Variants in KCNG1 observed in about 807,000 individuals in gnomAD.
KCNG1 encodes the protein voltage-gated potassium channel regulatory subunit KCNG1.
KCNG1 carries 17 observed loss-of-function variants against 32.4 expected under a neutral mutation model. The observed-to-expected ratio is 0.52, with a 90% confidence interval of 0.36 to 0.79. The LOEUF is 0.79. Among genes scored for constraint, KCNG1 ranks in the 30% least tolerant of loss-of-function variants. The probability of loss-of-function intolerance (pLI) is 0.00; values close to 1 mark genes in which losing one functional copy is unlikely to be tolerated. For synonymous variants in KCNG1, 358 were observed against 339.9 expected, an observed-to-expected ratio of 1.05 and a Z score of -0.59; for missense variants, 441 against 735.2, an observed-to-expected ratio of 0.60 and a Z score of 4.63.
intron 1 of KCNG1, chr20:51,013,881 G>A (rs1452002347): frequency 6.6e-6 from 1 of 152,184 alleles, no homozygotes; most frequent in Non-Finnish European, 1.5e-5. Context: ...GTGACATTCT[G>A]TTTGGCAAGA....
chr20:51,018,318 C>T (rs947505334), intron 1 of KCNG1, among the ~76,000 whole-genome samples: 3 of 152,192 alleles, frequency 2.0e-5, no homozygotes, highest in South Asian at 2.1e-4. Flanking sequence ...GATTGCTGAC[C>T]TCACGGGGCT....
chr20:51,018,717 C>T (rs1988366502), intron 1 of KCNG1, among the ~76,000 whole-genome samples: 1 of 152,188 alleles, frequency 6.6e-6, no homozygotes, highest in South Asian at 2.1e-4. Flanking sequence ...ACTAATACCC[C>T]CATTTTACAA....
Position 51,004,589 on chromosome 20 carries a change from C to A in KCNG1, c.992G>T (p.Gly331Val), listed in dbSNP as rs1269023530. 1 of 1,577,820 alleles carries A rather than the reference C, an allele frequency of 6.3e-7. No homozygotes were observed. Among genetic ancestry groups the A allele is most frequent in the Admixed American group, 1.8e-5 (1 of 54,510 alleles). Residue 331 changes from glycine (G) to valine (V), a missense_variant, in exon 3 of 3, where the codon GGC becomes GTC. Coordinates refer to ENST00000371571, the MANE Select transcript of KCNG1 (RefSeq NM_002237.4). The surrounding 1 kb of genome is among the most constrained non-coding windows in gnomAD (Gnocchi z 4.3). ...CCCCACCTTGTCCAGGTAGCTGTTG[C>A]CCGCGCCGGGCTTGCGACGGCCTGC... ...AAAGRRKPGAGNSYLDKVGLV... is the reference protein window; with the variant it reads ...AAAGRRKPGAVNSYLDKVGLV...
At position 51,016,248 on chromosome 20, in the gene KCNG1, C is replaced by T. The variant is rs149557409; in HGVS notation, c.-26-5884G>A. Reference sequence around the variant, plus strand: ...GGCCAGGAGTTTGAGTCCAGCCTGGCCAACATGGTGCAACCCCATCTCTAC... The same window carrying T: ...GGCCAGGAGTTTGAGTCCAGCCTGGTCAACATGGTGCAACCCCATCTCTAC... On this transcript the variant is annotated intron_variant, in intron 1 of 2. Transcript: ENST00000371571. Among the ~76,000 whole-genome samples, 1,159 of 152,104 alleles carry T rather than the reference C, an allele frequency of 7.6e-3. 18 individuals carry two copies. Among genetic ancestry groups the T allele is most frequent in the African/African-American group, 0.026 (1,072 of 41,492 alleles).
rs1224964291 is a variant in KCNG1, at chr20:51,005,454, G to C, written c.775-648C>G. 1 of 152,250 alleles carries C rather than the reference G, an allele frequency of 6.6e-6. No homozygotes were observed. Among genetic ancestry groups the C allele is most frequent in the African/African-American group, 2.4e-5 (1 of 41,440 alleles). The allele number at this position is 152,250 out of a possible 1,614,324, so 9.4% of individuals were successfully genotyped here. A position where few individuals can be genotyped will look rare whatever the true frequency, so the allele number is the denominator to read the frequency against. ...CCGATGGACTGTGAGGAATAGTCTT[G>C]TTCAGTGCCCCCATCACTGCCCCGG... On this transcript the variant is annotated intron_variant, in intron 2 of 2. Transcript: ENST00000371571. The surrounding 1 kb of genome is among the most constrained non-coding windows in gnomAD (Gnocchi z 4.0).
chr20:51,009,636 G>A lies in KCNG1; in HGVS notation c.703C>T (p.Leu235Phe), dbSNP rs374287676. The change falls in exon 2 of 3, where the codon CTC becomes TTC. Residue 235 changes from leucine (L) to phenylalanine (F), a missense_variant. By Grantham distance (22) the Leu-to-Phe change is conservative. This residue lies in a region of KCNG1 where 169 missense variants were observed against 297.7 expected (regional missense o/e 0.57). Coordinates refer to ENST00000371571, the MANE Select transcript of KCNG1 (RefSeq NM_002237.4). ...PGKVFACLSV[L>F]FVTVTAVNLS... Reference sequence around the variant, plus strand: ...TTGACGGCGGTGACGGTCACGAAGAGCACCGACAGGCAGGCGAACACCTTG... The same window carrying A: ...TTGACGGCGGTGACGGTCACGAAGAACACCGACAGGCAGGCGAACACCTTG... 3 of 1,610,196 alleles carry A rather than the reference G, an allele frequency of 1.9e-6. No individual in the cohort carries two copies. The highest frequency in any genetic ancestry group is 2.5e-6 in the Non-Finnish European group (3 of 1,179,688).
intron 2 of KCNG1, chr20:51,008,085 C>T (rs2123220965): frequency 6.6e-6 from 1 of 152,286 alleles, no homozygotes; most frequent in East Asian, 1.9e-4. Flanking sequence ...CACCGCCATA[C>T]CTATTTCTCC....
In KCNG1 at chr20:51,005,112, G is replaced by A. The variant is rs1601090691; in HGVS notation, c.775-306C>T. ...GAGGGGCATCTCGAACTCACCATGG[G>A]ATCCTGGTTTCCTCTGCCCACTGGT... On this transcript the variant is annotated intron_variant, in intron 2 of 2. Coordinates refer to ENST00000371571, the MANE Select transcript of KCNG1 (RefSeq NM_002237.4). The surrounding 1 kb of genome is among the most constrained non-coding windows in gnomAD (Gnocchi z 4.0). 1.0e-5 allele frequency: 3 copies of A among 300,068 alleles called. No homozygotes were observed. Among genetic ancestry groups the A allele is most frequent in the Non-Finnish European group, 1.8e-5 (3 of 163,972 alleles). 18.6% of individuals were successfully genotyped at this position (300,068 alleles called of 1,614,324 possible). A position where few individuals can be genotyped will look rare whatever the true frequency, so the allele number is the denominator to read the frequency against.
At position 51,004,735 on chromosome 20, in the gene KCNG1, C is replaced by G; in HGVS notation, c.846G>C (p.Glu282Asp). 1 of 1,595,038 alleles carries G rather than the reference C, an allele frequency of 6.3e-7. No individual in the cohort carries two copies. Residue 282 changes from glutamate (E) to aspartate (D), a missense_variant, in exon 3 of 3, where the codon GAG becomes GAC. By Grantham distance (45) the Glu-to-Asp change is conservative (BLOSUM62 2). This residue lies in a region of KCNG1 where 169 missense variants were observed against 297.7 expected (regional missense o/e 0.57). Coordinates refer to ENST00000371571, the MANE Select transcript of KCNG1 (RefSeq NM_002237.4). The surrounding 1 kb of genome is among the most constrained non-coding windows in gnomAD (Gnocchi z 4.3). ...ESVCVGWFSL[E>D]FLLRLIQAPS... is the part of the protein sequence containing the mutation. ...GCGCCTGAATGAGCCGCAGGAGGAA[C>G]TCCAGGGAGAACCAGCCCACGCACA...
At chr20:51,020,456 A>G (rs957956104) in intron 1 of KCNG1, among the ~76,000 whole-genome samples, 26 of 152,224 alleles carry the variant, frequency 1.7e-4, no homozygotes, top group Admixed American at 1.6e-3. Flanking sequence ...CACAATTCAG[A>G]TCCTATTTGT....
At chr20:51,018,475 C>T (rs538030212) in intron 1 of KCNG1, among the ~76,000 whole-genome samples, 15 of 152,260 alleles carry the variant, frequency 9.9e-5, no homozygotes, top group Admixed American at 3.3e-4. Flanking sequence ...GGTCTCTCTC[C>T]GGGGTTCCAA....
intron 2 of KCNG1, among the ~76,000 whole-genome samples, chr20:51,008,788 C>T (rs1355852997): frequency 1.3e-5 from 2 of 152,182 alleles, no homozygotes; most frequent in Admixed American, 6.5e-5. Context: ...CAAGCTGCCA[C>T]GTGGACACCA....
At position 51,015,300 on chromosome 20, in the gene KCNG1, C is replaced by T. The variant is rs905312261; in HGVS notation, c.-26-4936G>A. On this transcript the variant is annotated intron_variant, in intron 1 of 2. Transcript: ENST00000371571. The surrounding 1 kb of genome is among the most constrained non-coding windows in gnomAD (Gnocchi z 4.4). ...ATTCCAGGGGTGCCATTTACCGAGGCGACGGATAGGTGGCGCTATGGTGAG... is the reference window on the plus strand; with the variant it reads ...ATTCCAGGGGTGCCATTTACCGAGGTGACGGATAGGTGGCGCTATGGTGAG... 1.3e-5 allele frequency among the ~76,000 whole-genome samples: 2 copies of T among 152,052 alleles called. No individual in the cohort carries two copies. The highest frequency in any genetic ancestry group is 2.1e-4 in the South Asian group (1 of 4,820).
chr20:51,010,810 G>A (rs540822409), intron 1 of KCNG1, among the ~76,000 whole-genome samples: 75 of 152,078 alleles, frequency 4.9e-4, no homozygotes, highest in African/African-American at 1.8e-3. Context: ...CATGAGAATC[G>A]CTTGAACATG....
Position 51,009,958 on chromosome 20 carries a change from G to T in KCNG1, c.381C>A (p.Ile127=). The T allele has an allele frequency of 6.2e-7, 1 of 1,613,938 alleles. No individual in the cohort carries two copies. Among genetic ancestry groups the T allele is most frequent in the South Asian group, 1.1e-5 (1 of 91,090 alleles). The change falls in exon 2 of 3, where the codon ATC becomes ATA. Residue 127 remains isoleucine, a synonymous_variant. Coordinates refer to ENST00000371571, the MANE Select transcript of KCNG1 (RefSeq NM_002237.4). ...FDRNPGAFGT[I]LTFLRAGKLR... is the part of the protein sequence containing the mutation. ...GCTTGCCCGCGCGCAGGAAGGTCAG[G>T]ATAGTGCCGAAGGCCCCCGGGTTGC...
chr20:51,020,193 G>A (rs1302257899), intron 1 of KCNG1, among the ~76,000 whole-genome samples: 1 of 152,166 alleles, frequency 6.6e-6, no homozygotes, highest in Non-Finnish European at 1.5e-5. Context: ...AACACCAAAT[G>A]CACGTTTGCG....
In KCNG1 at chr20:51,004,839, CAGCGGGCCCTCCAGGAA is replaced by C; in HGVS notation, c.775-50_775-34del. 1 of 1,496,574 alleles carries C rather than the reference CAGCGGGCCCTCCAGGAA, an allele frequency of 6.7e-7. No homozygotes were observed. The highest frequency in any genetic ancestry group is 8.9e-7 in the Non-Finnish European group (1 of 1,117,810). The allele number at this position is 1,496,574 out of a possible 1,614,324, so 92.7% of individuals were successfully genotyped here. A position where few individuals can be genotyped will look rare whatever the true frequency, so the allele number is the denominator to read the frequency against. ...AGAGGGGAAGGGACGCCGGAGGGGT[CAGCGGGCCCTCCAGGAA>C]AGGAGGGCAGAAGCTCTGCCCTGTG... On this transcript the variant is annotated intron_variant, in intron 2 of 2. Coordinates refer to ENST00000371571, the MANE Select transcript of KCNG1 (RefSeq NM_002237.4). The surrounding 1 kb of genome is among the most constrained non-coding windows in gnomAD (Gnocchi z 4.3).
intron 1 of KCNG1, among the ~76,000 whole-genome samples, chr20:51,011,887 C>T (rs993897152): frequency 2.6e-5 from 4 of 152,316 alleles, no homozygotes; most frequent in East Asian, 1.9e-4. Context: ...ATCTCCGCGC[C>T]GCGGGTTCAA....
In KCNG1 at chr20:51,005,591, A is replaced by AT. The variant is rs1424032475; in HGVS notation, c.775-786dup. On this transcript the variant is annotated intron_variant, in intron 2 of 2. Coordinates refer to ENST00000371571, the MANE Select transcript of KCNG1 (RefSeq NM_002237.4). This position sits in a 1 kb window ranked among gnomAD's most constrained non-coding sequence, Gnocchi z 4.0. The stretch of plus-strand genomic sequence containing the variant: ...GTTGGTGATAATGTTGGTTAAATAG[A>AT]TAAAATGTTGATTTAAGTCCTGGTG... 5.3e-5 allele frequency: 8 copies of AT among 152,238 alleles called. No individual in the cohort carries two copies. Among genetic ancestry groups the AT allele is most frequent in the African/African-American group, 1.9e-4 (8 of 41,464 alleles). The allele number at this position is 152,238 out of a possible 1,614,324, so 9.4% of individuals were successfully genotyped here. A position where few individuals can be genotyped will look rare whatever the true frequency, so the allele number is the denominator to read the frequency against.
Sources: allele counts gnomAD v4.1 joint callset (sites outside exome capture counted in the v4.1 genomes callset), GRCh38; gene constraint gnomAD v4.1.1; regional missense constraint gnomAD v4.1.1; non-coding constraint Gnocchi (gnomAD v3.1); transcripts MANE v1.5; gene names NCBI Gene and HGNC (gene_info 2026-07-23, HGNC 2026-07-21).